The following ZSCAN30 variants were observed in gnomAD, a reference collection of about 807,000 sequenced individuals.
ZSCAN30 encodes the protein zinc finger and SCAN domain-containing protein 30.
Under a neutral mutation model 44.3 loss-of-function variants are expected in ZSCAN30, and 37 were observed. That is an observed-to-expected ratio of 0.84 (90% CI 0.64 to 1.10). The LOEUF (loss-of-function observed/expected upper bound fraction) is 1.10. ZSCAN30 is among the 50% of genes least tolerant of loss of function. The pLI is 0.00. For missense variants in ZSCAN30, 549 were observed against 582.6 expected, an observed-to-expected ratio of 0.94 and a Z score of 0.59; for synonymous variants, 181 against 204.6, an observed-to-expected ratio of 0.88 and a Z score of 0.98.
At chr18:35,289,201 C>G (rs535843352) in intron 1 of ZSCAN30, 1 of 152,258 alleles carries the variant, frequency 6.6e-6, no homozygotes, top group East Asian at 1.9e-4. Context: ...GTCTCCAACT[C>G]CTGATCTCAG....
At position 35,251,870 on chromosome 18, in the gene ZSCAN30, C is replaced by T. The variant is rs1318063441; in HGVS notation, c.*1580G>A. On this transcript the variant is annotated 3_prime_UTR_variant, in exon 4 of 4. Coordinates refer to ENST00000333206, the MANE Select transcript of ZSCAN30 (RefSeq NM_001112734.4). ...CACTGTGAAAATGGACTAATACAAGCAGTGATCACCAAGTCTTCTTTAGAA... is the reference window on the plus strand; with the variant it reads ...CACTGTGAAAATGGACTAATACAAGTAGTGATCACCAAGTCTTCTTTAGAA... The T allele has an allele frequency of 2.0e-5, 3 of 151,910 alleles. No homozygotes were observed. The highest frequency in any genetic ancestry group is 4.4e-5 in the Non-Finnish European group (3 of 67,994). The allele number at this position is 151,910 out of a possible 1,614,324, so 9.4% of individuals were successfully genotyped here.
intron 1 of ZSCAN30, among the ~76,000 whole-genome samples, chr18:35,273,594 G>A (rs779181255): frequency 6.6e-6 from 1 of 152,180 alleles, no homozygotes; most frequent in Non-Finnish European, 1.5e-5. Flanking sequence ...GGTTTTCCCA[G>A]TATCATTTCA....
At chr18:35,256,610 A>G (rs2043828873) in intron 3 of ZSCAN30, among the ~76,000 whole-genome samples, 1 of 152,210 alleles carries the variant, frequency 6.6e-6, no homozygotes, top group Admixed American at 6.5e-5. Context: ...ATACTTGCAT[A>G]GAGAGAACCC....
intron 1 of ZSCAN30, chr18:35,266,995 G>C (rs1303201803): frequency 1.3e-5 from 2 of 151,646 alleles, no homozygotes; most frequent in Non-Finnish European, 2.9e-5. Context: ...TAAAATACTA[G>C]AGACCAAGCA....
chr18:35,254,187 GCTGA>G lies in ZSCAN30; in HGVS notation c.744_747del (p.Gln249PhefsTer35). On this transcript the variant is annotated frameshift_variant, in exon 4 of 4. Transcript: ENST00000333206. LOFTEE classifies it high-confidence loss of function. Reference sequence around the variant, plus strand: ...CTGAAATGTCTGTCCTGGGAAGGAAGCTGACTGATTTTGTTCCCTGCAGCATTTC... The same window carrying G: ...CTGAAATGTCTGTCCTGGGAAGGAAGCTGATTTTGTTCCCTGCAGCATTTC... 1 of 1,614,158 alleles carries G rather than the reference GCTGA, an allele frequency of 6.2e-7. No homozygotes were observed. Among genetic ancestry groups the G allele is most frequent in the South Asian group, 1.1e-5 (1 of 91,084 alleles).
chr18:35,279,921 A>G (rs1168649580), intron 1 of ZSCAN30, among the ~76,000 whole-genome samples: 2 of 152,318 alleles, frequency 1.3e-5, no homozygotes, highest in South Asian at 2.1e-4. Context: ...GCTTGAACCT[A>G]TCTTTTGGGG....
rs1214562776 is a variant in ZSCAN30, at chr18:35,253,928, T to C, written c.1007A>G (p.Lys336Arg). The C allele has an allele frequency of 6.2e-7, 1 of 1,614,200 alleles. No homozygotes were observed. Among genetic ancestry groups the C allele is most frequent in the South Asian group, 1.1e-5 (1 of 91,086 alleles). The change falls in exon 4 of 4, where the codon AAA becomes AGA. Residue 336 changes from lysine (K) to arginine (R), a missense_variant. By Grantham distance (26) the Lys-to-Arg change is conservative (BLOSUM62 2). Coordinates refer to ENST00000333206, the MANE Select transcript of ZSCAN30 (RefSeq NM_001112734.4). ...AAGGTCTGAGCTCAAACTGAAGGCT[T>C]TGCCACATTCTTTACATGCATAAGG... ...ERPYACKECGKAFSLSSDLVR... is the reference protein window; with the variant it reads ...ERPYACKECGRAFSLSSDLVR...
At chr18:35,272,421 C>A (rs1277452106) in intron 1 of ZSCAN30, among the ~76,000 whole-genome samples, 1 of 149,150 alleles carries the variant, frequency 6.7e-6, no homozygotes, top group Non-Finnish European at 1.5e-5. Context: ...AATCTCGGCT[C>A]ACTGCAACCT....
At chr18:35,255,798 T>C (rs1324219744) in intron 3 of ZSCAN30, 1 of 154,392 alleles carries the variant, frequency 6.5e-6, no homozygotes, top group African/African-American at 2.4e-5. Flanking sequence ...AAATTCATAT[T>C]GTCCTTGGAT....
intron 3 of ZSCAN30, chr18:35,260,317 A>C (rs917026749): frequency 1.3e-5 from 2 of 152,246 alleles, no homozygotes; most frequent in Non-Finnish European, 1.5e-5. Flanking sequence ...TACTGCAATG[A>C]ACATATGCAT....
intron 1 of ZSCAN30, chr18:35,283,920 A>T (rs1260942210): frequency 6.6e-6 from 1 of 152,406 alleles, no homozygotes; most frequent in African/African-American, 2.4e-5. Context: ...TGAGGTATGT[A>T]GACAAGTGGA....
intron 3 of ZSCAN30, chr18:35,263,134 TG>T: frequency 2.7e-6 from 1 of 369,910 alleles, no homozygotes; most frequent in Non-Finnish European, 5.2e-6. Context: ...CTAGCTACTC[TG>T]GAGGCTGAGG....
chr18:35,257,611 T>A, intron 3 of ZSCAN30: 1 of 363,572 alleles, frequency 2.8e-6, no homozygotes, highest in Non-Finnish European at 5.0e-6. Context: ...GAGAAGTAAA[T>A]CCGTGTTGTT....
rs1229754477 is a variant in ZSCAN30 at position 35,253,436 on chromosome 18, T to G, written c.*14A>C. 1.3e-6 allele frequency: 2 copies of G among 1,545,480 alleles called. No homozygotes were observed. Among genetic ancestry groups the G allele is most frequent in the Non-Finnish European group, 1.7e-6 (2 of 1,145,510 alleles). On this transcript the variant is annotated 3_prime_UTR_variant, in exon 4 of 4. Transcript: ENST00000333206. ...TCCTTGCATTTCACAATTGTACAACTCTTACCCACAGAGTTAAACTCTGGT... is the reference window on the plus strand; with the variant it reads ...TCCTTGCATTTCACAATTGTACAACGCTTACCCACAGAGTTAAACTCTGGT...
intron 3 of ZSCAN30, chr18:35,258,911 G>A (rs1419436147): frequency 3.1e-5 from 4 of 127,080 alleles, no homozygotes; most frequent in Non-Finnish European, 5.0e-5. Flanking sequence ...AGGTCAAAGT[G>A]CAGTGTACTC....
At chr18:35,270,207 G>A (rs928501668) in intron 1 of ZSCAN30, 2 of 152,140 alleles carry the variant, frequency 1.3e-5, no homozygotes, top group African/African-American at 4.8e-5. Context: ...ATCAGTGAAA[G>A]ATGTTAATAA....
At chr18:35,270,949 A>G (rs1305303141) in intron 1 of ZSCAN30, among the ~76,000 whole-genome samples, 1 of 151,658 alleles carries the variant, frequency 6.6e-6, no homozygotes, top group Non-Finnish European at 1.5e-5. Context: ...AGTGTTAACA[A>G]CTCTTAAGGT....
rs536204173 is a variant in ZSCAN30 at position 35,264,905 on chromosome 18, G to T, written c.-103-450C>A. Among the ~76,000 whole-genome samples, 5 of 152,220 alleles carry T rather than the reference G, an allele frequency of 3.3e-5. No individual in the cohort carries two copies. In the East Asian group the frequency reaches 5.8e-4, roughly 18 times the overall value. ...CTCACGCCTGTAATCCTAGCACTTT[G>T]GGAGGCCGAGGCGGGAGGATCACGA... On this transcript the variant is annotated intron_variant, in intron 1 of 3. Transcript: ENST00000333206.
intron 1 of ZSCAN30, among the ~76,000 whole-genome samples, chr18:35,271,035 C>T (rs776454595): frequency 1.6e-4 from 24 of 152,166 alleles, no homozygotes; most frequent in Non-Finnish European, 2.6e-4. Flanking sequence ...TCTTGCTAGC[C>T]TCAGGAGTGA....
Sources: allele counts gnomAD v4.1 joint callset (sites outside exome capture counted in the v4.1 genomes callset), GRCh38; gene constraint gnomAD v4.1.1; transcripts MANE v1.5; gene names NCBI Gene and HGNC (gene_info 2026-07-23, HGNC 2026-07-21).